Variants in RESF1 observed in about 807,000 individuals in gnomAD.
RESF1 encodes retroelement silencing factor 1, also known as gonad expressed transcript.
Under a neutral mutation model 134.7 loss-of-function variants are expected in RESF1, and 65 were observed. The observed-to-expected ratio is 0.48, with a 90% CI of 0.40 to 0.59. RESF1 has a LOEUF of 0.59. Among genes scored for constraint, RESF1 ranks in the 20% least tolerant of loss-of-function variants. The probability of loss-of-function intolerance (pLI) is 0.00; values close to 1 mark genes in which losing one functional copy is unlikely to be tolerated. For missense variants in RESF1, 2,274 were observed against 2,002.7 expected (o/e 1.14, Z -2.59); for synonymous variants, 762 against 702.2 (o/e 1.09, Z -1.35).
chr12:31,978,152 A>G (rs956185755), intron 3 of RESF1, among the ~76,000 whole-genome samples: 2 of 152,160 alleles, frequency 1.3e-5, no homozygotes, highest in Non-Finnish European at 2.9e-5. Flanking sequence ...AAATATTTGA[A>G]CATGGCATAT....
intron 5 of RESF1, among the ~76,000 whole-genome samples, chr12:31,991,982 T>C (rs796730714): frequency 2.0e-5 from 3 of 152,346 alleles, no homozygotes; most frequent in Admixed American, 1.3e-4. Context: ...GACCAAAATA[T>C]GAAACCTATC....
chr12:31,985,201 G>A lies in RESF1; in HGVS notation c.4246G>A (p.Glu1416Lys), dbSNP rs1430513486. The A allele has an allele frequency of 3.2e-6, 5 of 1,578,882 alleles. No individual in the cohort carries two copies. The highest frequency in any genetic ancestry group is 1.2e-5 in the South Asian group (1 of 84,034). ...KLGDSLSNPN[E>K]RAIVKEKMVS... ...AGGTGACTCTTTGTCAAACCCAAAC[G>A]AAAGAGCCATTGTTAAAGAAAAGAT... The change falls in exon 4 of 6, where the codon GAA becomes AAA. Residue 1416 changes from glutamate to lysine, a missense_variant. Coordinates refer to ENST00000312561, the MANE Select transcript of RESF1 (RefSeq NM_018169.4).
At chr12:31,967,705 A>C (rs1416539594) in intron 2 of RESF1, among the ~76,000 whole-genome samples, 4 of 120,632 alleles carry the variant, frequency 3.3e-5, no homozygotes, top group Admixed American at 1.1e-4. Context: ...ATTGATTGTT[A>C]ATGCTCATGA....
chr12:31,985,024 T>C lies in RESF1; in HGVS notation c.4069T>C (p.Leu1357=), dbSNP rs1381058423. Residue 1357 remains leucine (L), a synonymous_variant, in exon 4 of 6, where the codon TTA becomes CTA. Coordinates refer to ENST00000312561, the MANE Select transcript of RESF1 (RefSeq NM_018169.4). ...GAAGCATAGTTCTTTGGGACAGTCA[T>C]TATCACCAGAAAAGATAAAATTGAA... ...YKKHSSLGQS[L]SPEKIKLKLK... The C allele has an allele frequency of 6.3e-7, 1 of 1,591,706 alleles. No homozygotes were observed. The highest frequency in any genetic ancestry group is 1.4e-5 in the African/African-American group (1 of 73,248).
intron 3 of RESF1, among the ~76,000 whole-genome samples, chr12:31,976,619 G>T (rs932071029): frequency 3.9e-5 from 6 of 152,082 alleles, no homozygotes; most frequent in Non-Finnish European, 8.8e-5. Context: ...GGAGGCAGAG[G>T]TTGCAGTGAG....
At chr12:31,959,950 G>A (rs966656666) in intron 1 of RESF1, 4 of 150,208 alleles carry the variant, frequency 2.7e-5, no homozygotes, top group African/African-American at 4.9e-5. Context: ...TCGCTGGAGT[G>A]AAAAAGAAAA....
intron 5 of RESF1, 77 bp downstream of exon 5, chr12:31,987,399 G>GAA (rs1408207537): frequency 1.2e-6 from 1 of 806,590 alleles, no homozygotes; most frequent in African/African-American, 1.8e-5. Flanking sequence ...GTTATGATAT[G>GAA]ATTGTAAAGT....
At chr12:31,962,723 G>A (rs908141977) in intron 2 of RESF1, among the ~76,000 whole-genome samples, 1 of 152,182 alleles carries the variant, frequency 6.6e-6, no homozygotes, top group Admixed American at 6.5e-5. Context: ...GTCCAGTGAA[G>A]TTTTAAGAAA....
At chr12:31,977,770 G>A (rs1032108481) in intron 3 of RESF1, among the ~76,000 whole-genome samples, 9 of 146,438 alleles carry the variant, frequency 6.1e-5, no homozygotes, top group Admixed American at 4.1e-4. Flanking sequence ...CACTGGGATT[G>A]TATTGACTCT....
Position 31,983,066 on chromosome 12 carries a change from G to C in RESF1, c.2111G>C (p.Gly704Ala). ...DKLRTNTTAV[G>A]ISKPANIHVK... ...CTCAGAACAAACACAACAGCAGTTGGAATTTCAAAGCCTGCTAACATCCAC... is the reference window on the plus strand; with the variant it reads ...CTCAGAACAAACACAACAGCAGTTGCAATTTCAAAGCCTGCTAACATCCAC... Residue 704 changes from glycine to alanine, a missense_variant, in exon 4 of 6, where the codon GGA (glycine) becomes GCA (alanine). Physicochemically the swap from Gly to Ala is moderately conservative, Grantham distance 60. Transcript: ENST00000312561. The C allele has an allele frequency of 6.2e-7, 1 of 1,613,686 alleles. No individual in the cohort carries two copies. Among genetic ancestry groups the C allele is most frequent in the Non-Finnish European group, 8.5e-7 (1 of 1,179,976 alleles).
chr12:31,974,108 G>A (rs573684284), intron 3 of RESF1, among the ~76,000 whole-genome samples: 1 of 151,968 alleles, frequency 6.6e-6, no homozygotes, highest in African/African-American at 2.4e-5. Flanking sequence ...TGAAGAGCCA[G>A]GTGGAAGAGA....
In RESF1 at chr12:31,989,865, G is replaced by GTT. The variant is rs1285298365; in HGVS notation, c.5087-2512_5087-2511dup. ...AAACTCTGTCTCAAAAAAAAAGTCA[G>GTT]TTAGCATTGAAACATGCATATGGGA... On this transcript the variant is annotated intron_variant, in intron 5 of 5. Coordinates refer to ENST00000312561, the MANE Select transcript of RESF1 (RefSeq NM_018169.4). 2.8e-5 allele frequency among the ~76,000 whole-genome samples: 4 copies of GTT among 144,054 alleles called. No individual in the cohort carries two copies. The East Asian group carries it at 1.3e-3, about 45-fold the overall frequency. The allele number at this position is 144,054 out of a possible 152,430, so 94.5% of individuals were successfully genotyped here. A position where few individuals can be genotyped will look rare whatever the true frequency, so the allele number is the denominator to read the frequency against.
rs924408416 is a variant in RESF1 at position 31,992,532 on chromosome 12, A to G, written c.5241A>G (p.Lys1747=). Residue 1747 remains lysine, a synonymous_variant, in exon 6 of 6, where the codon AAA becomes AAG. Transcript: ENST00000312561. ...RSRSLGSSPV[K] Reference sequence around the variant, plus strand: ...GAAGCCTTGGTAGCAGTCCTGTAAAATAATTACAAGATGTGGTTTTGTAAT... The same window carrying G: ...GAAGCCTTGGTAGCAGTCCTGTAAAGTAATTACAAGATGTGGTTTTGTAAT... The G allele has an allele frequency of 6.2e-7, 1 of 1,612,394 alleles. No individual in the cohort carries two copies. The highest frequency in any genetic ancestry group is 1.3e-5 in the African/African-American group (1 of 74,854).
In RESF1 at chr12:31,981,672, T is replaced by G; in HGVS notation, c.717T>G (p.His239Gln). ...STIQKQNFIP[H>Q]TSLQVKNSQL... ...TTCAAAAACAAAACTTTATACCACA[T>G]ACATCATTGCAAGTTAAAAATAGTC... The change falls in exon 4 of 6, where the codon CAT (histidine) becomes CAG (glutamine). Residue 239 changes from histidine (H) to glutamine (Q), a missense_variant. Transcript: ENST00000312561. 1 of 1,613,832 alleles carries G rather than the reference T, an allele frequency of 6.2e-7. No homozygotes were observed. The highest frequency in any genetic ancestry group is 8.5e-7 in the Non-Finnish European group (1 of 1,179,952).
intron 2 of RESF1, among the ~76,000 whole-genome samples, chr12:31,964,266 G>GT (rs34357090): frequency 0.43 from 65,113 of 150,416 alleles, 14,281 homozygotes; most frequent in African/African-American, 0.46. Flanking sequence ...CCAATTAGTT[G>GT]TTTTTTTTTC....
chr12:31,967,591 G>A (rs182449725), intron 2 of RESF1, among the ~76,000 whole-genome samples: 64 of 152,130 alleles, frequency 4.2e-4, no homozygotes, highest in African/African-American at 1.4e-3. Flanking sequence ...TTAATGTGCC[G>A]TGGGAGGGGC....
intron 3 of RESF1, among the ~76,000 whole-genome samples, chr12:31,977,173 CATAAAG>C (rs1939655272): frequency 6.6e-6 from 1 of 152,072 alleles, no homozygotes; most frequent in Admixed American, 6.6e-5. Flanking sequence ...ATCCCGAGGG[CATAAAG>C]ATATTCTCAT....
intron 3 of RESF1, among the ~76,000 whole-genome samples, chr12:31,977,348 T>G (rs1488222050): frequency 6.6e-6 from 1 of 152,104 alleles, no homozygotes; most frequent in East Asian, 1.9e-4. Flanking sequence ...ATCCGGCTAA[T>G]TTTTGCATTT....
Position 31,985,016 on chromosome 12 carries a change from G to C in RESF1, c.4061G>C (p.Gly1354Ala), listed in dbSNP as rs1197935443. 1.3e-6 allele frequency: 2 copies of C among 1,599,152 alleles called. No homozygotes were observed. Among genetic ancestry groups the C allele is most frequent in the Non-Finnish European group, 1.7e-6 (2 of 1,176,650 alleles). The change falls in exon 4 of 6, where the codon GGA becomes GCA. Residue 1354 changes from glycine to alanine, a missense_variant. Physicochemically the swap from Gly to Ala is moderately conservative, Grantham distance 60 (BLOSUM62 0). Transcript: ENST00000312561. ...KDVYKKHSSLGQSLSPEKIKL... is the reference protein window; with the variant it reads ...KDVYKKHSSLAQSLSPEKIKL... ...GTGTATAAGAAGCATAGTTCTTTGG[G>C]ACAGTCATTATCACCAGAAAAGATA...
Sources: gnomAD v4.1 joint callset for allele counts (sites outside exome capture counted in the v4.1 genomes callset) on GRCh38, gnomAD v4.1.1 for gene constraint, MANE v1.5 for transcripts, NCBI Gene and HGNC (gene_info 2026-07-23, HGNC 2026-07-21) for gene names.